EPS15L1: variants seen among roughly 807,000 people sequenced by gnomAD.
EPS15L1 encodes epidermal growth factor receptor pathway substrate 15 like 1, also known as epidermal growth factor receptor substrate 15-like 1.
A neutral mutation model predicts 117.1 loss-of-function variants in EPS15L1; 43 were observed. The ratio of observed to expected loss-of-function variants is 0.37; its 90% CI spans 0.29 to 0.47. EPS15L1 has a LOEUF of 0.47. Ranked by LOEUF, EPS15L1 falls within the 20% of genes least tolerant of loss-of-function variation. EPS15L1 has a pLI of 0.99. For synonymous variants in EPS15L1, 459 were observed against 470.5 expected (o/e 0.98, Z 0.32); for missense variants, 981 against 1,164.0 (o/e 0.84, Z 2.29).
rs1334954533 is a variant in EPS15L1, at chr19:16,370,301, C to T, written c.2380+6821G>A. Among the ~76,000 whole-genome samples the T allele has an allele frequency of 6.6e-6, 1 of 152,116 alleles. No homozygotes were observed. Among genetic ancestry groups the T allele is most frequent in the Non-Finnish European group, 1.5e-5 (1 of 68,008 alleles). On this transcript the variant is annotated intron_variant, in intron 22 of 23. Coordinates refer to ENST00000455140, the MANE Select transcript of EPS15L1 (RefSeq NM_001258374.3). The surrounding 1 kb of genome is among the most constrained non-coding windows in gnomAD (Gnocchi z 5.2). Reference sequence around the variant, plus strand: ...AATAGGAGAGATGAAAGATGAGGGGCCATGTTCACCCCGCCAGAAAAGCAG... The same window carrying T: ...AATAGGAGAGATGAAAGATGAGGGGTCATGTTCACCCCGCCAGAAAAGCAG...
At chr19:16,420,152 T>C (rs746502469) in intron 10 of EPS15L1, among the ~76,000 whole-genome samples, 11 of 152,350 alleles carry the variant, frequency 7.2e-5, no homozygotes, top group Admixed American at 6.5e-4. Flanking sequence ...TCTTTTCTCA[T>C]GGTTATTCAA....
In EPS15L1 at chr19:16,440,867, T is replaced by C. The variant is rs556548628; in HGVS notation, c.208A>G (p.Lys70Glu). The C allele has an allele frequency of 6.2e-7, 1 of 1,614,188 alleles. No homozygotes were observed. The highest frequency in any genetic ancestry group is 2.2e-5 in the East Asian group (1 of 44,884). Residue 70 changes from lysine (K) to glutamate (E), a missense_variant, in exon 4 of 24, where the codon AAA becomes GAA. Around this residue, in one of 5 missense-constraint regions of EPS15L1, gnomAD observed 62 missense variants for 104.2 expected, o/e 0.59. Coordinates refer to ENST00000455140, the MANE Select transcript of EPS15L1 (RefSeq NM_001258374.3). Reference sequence around the variant, plus strand: ...CTGTGTACATGTGTATATACCTGTTTGTCCAAGAACCCTTTACCTTCTGGA... The same window carrying C: ...CTGTGTACATGTGTATATACCTGTTCGTCCAAGAACCCTTTACCTTCTGGA... Reference protein sequence around the residue: ...ADPEGKGFLDKQGFYVALRLV... With the variant: ...ADPEGKGFLDEQGFYVALRLV...
At chr19:16,440,511 G>A (rs1468575490) in intron 4 of EPS15L1, 1 of 167,454 alleles carries the variant, frequency 6.0e-6, no homozygotes, top group Non-Finnish European at 1.3e-5. Flanking sequence ...CCATCACTGG[G>A]GAGAGCTGGC....
intron 23 of EPS15L1, among the ~76,000 whole-genome samples, chr19:16,360,559 C>A (rs1419936243): frequency 2.6e-5 from 4 of 151,110 alleles, no homozygotes; most frequent in Admixed American, 2.6e-4. Context: ...CCAGGCAACA[C>A]AGCAAGACCC....
intron 1 of EPS15L1, among the ~76,000 whole-genome samples, chr19:16,468,088 C>T (rs973251000): frequency 2.6e-5 from 4 of 152,100 alleles, no homozygotes; most frequent in African/African-American, 9.7e-5. Flanking sequence ...CTAGGTACAG[C>T]GGTCACAAAA....
chr19:16,364,854 G>A (rs1599524500), intron 22 of EPS15L1, among the ~76,000 whole-genome samples: 1 of 152,280 alleles, frequency 6.6e-6, no homozygotes, highest in African/African-American at 2.4e-5. Flanking sequence ...CTCCCTATCG[G>A]CCGCCCACCA....
intron 7 of EPS15L1, among the ~76,000 whole-genome samples, chr19:16,430,497 C>T (rs1383678218): frequency 6.6e-6 from 1 of 152,240 alleles, no homozygotes; most frequent in Non-Finnish European, 1.5e-5. Context: ...AGACACAGTC[C>T]TTAACAGGAG....
At chr19:16,422,971 G>GT (rs910603360) in intron 9 of EPS15L1, among the ~76,000 whole-genome samples, 1 of 100,552 alleles carries the variant, frequency 9.9e-6, no homozygotes, top group African/African-American at 4.1e-5. Flanking sequence ...GAAAAAAAAA[G>GT]GGGGGGGGGA....
At chr19:16,444,852 G>A (rs974560455) in intron 1 of EPS15L1, among the ~76,000 whole-genome samples, 1 of 151,070 alleles carries the variant, frequency 6.6e-6, no homozygotes, top group Non-Finnish European at 1.5e-5. Flanking sequence ...TCAGCCTCCC[G>A]AGTAGCTGGG....
intron 9 of EPS15L1, among the ~76,000 whole-genome samples, chr19:16,423,467 G>A (rs958149237): frequency 2.0e-5 from 3 of 152,112 alleles, no homozygotes; most frequent in Non-Finnish European, 4.4e-5. Context: ...CTACTAGGGA[G>A]GCTGAGGTGG....
rs186846270 is a variant in EPS15L1 at position 16,427,472 on chromosome 19, T to C, written c.558+1230A>G. The stretch of plus-strand genomic sequence containing the variant: ...CAATGAGCATTTCCTTTGAGTGTCA[T>C]GTTGATGCTCAAAAAATGTCAGATC... On this transcript the variant is annotated intron_variant, in intron 8 of 23. Transcript: ENST00000455140. 2.0e-5 allele frequency among the ~76,000 whole-genome samples: 3 copies of C among 152,338 alleles called. No homozygotes were observed. In the East Asian group the frequency reaches 5.8e-4, roughly 29 times the overall value.
At chr19:16,413,679 C>A in intron 13 of EPS15L1, 94 bp downstream of exon 13, 1 of 1,053,200 alleles carries the variant, frequency 9.5e-7, no homozygotes. Flanking sequence ...CCAGGGCAGA[C>A]CCCTGCCCTT....
At chr19:16,435,343 G>A (rs1442683640) in intron 6 of EPS15L1, 5 of 152,158 alleles carry the variant, frequency 3.3e-5, no homozygotes, top group Non-Finnish European at 7.3e-5. Flanking sequence ...ACAGCATTAG[G>A]ATGGGGAGTC....
chr19:16,413,240 C>A (rs2092724740), intron 13 of EPS15L1: 1 of 643,494 alleles, frequency 1.6e-6, no homozygotes, highest in Non-Finnish European at 2.8e-6. Flanking sequence ...TTGTCCCTTG[C>A]AAGGTGACAG....
intron 13 of EPS15L1, chr19:16,413,335 T>G (rs541185615): frequency 1.5e-6 from 1 of 688,144 alleles, no homozygotes; most frequent in East Asian, 2.6e-5. Context: ...AAGAAGCTGC[T>G]CATGATGGCT....
Position 16,379,028 on chromosome 19 carries a change from G to A in EPS15L1, c.2248-1774C>T, listed in dbSNP as rs546795461. ...AAAATGATCATGTGTTCCTGGCCGG[G>A]CGCACTGGCTCACGCCTGTAATCCC... On this transcript the variant is annotated intron_variant, in intron 21 of 23. Transcript: ENST00000455140. Among the ~76,000 whole-genome samples the A allele has an allele frequency of 3.9e-4, 59 of 152,360 alleles. No individual in the cohort carries two copies. In the South Asian group the frequency reaches 3.9e-3, roughly 10 times the overall value.
chr19:16,431,668 T>C (rs902927813), intron 7 of EPS15L1, among the ~76,000 whole-genome samples: 1 of 152,286 alleles, frequency 6.6e-6, no homozygotes, highest in Non-Finnish European at 1.5e-5. Flanking sequence ...ATTTATCATA[T>C]CTTTCAGAGT....
chr19:16,452,446 C>T (rs1210400152), intron 1 of EPS15L1, among the ~76,000 whole-genome samples: 1 of 140,092 alleles, frequency 7.1e-6, no homozygotes, highest in African/African-American at 2.6e-5. Flanking sequence ...AATTCCATCT[C>T]GAAAAAAAAA....
At chr19:16,464,894 C>A (rs1303848171) in intron 1 of EPS15L1, among the ~76,000 whole-genome samples, 1 of 151,220 alleles carries the variant, frequency 6.6e-6, no homozygotes, top group Non-Finnish European at 1.5e-5. Flanking sequence ...TCCTGCCTAA[C>A]CAGTGAAACC....
Sources: allele counts gnomAD v4.1 joint callset (sites outside exome capture counted in the v4.1 genomes callset), GRCh38; gene constraint gnomAD v4.1.1; regional missense constraint gnomAD v4.1.1; non-coding constraint Gnocchi (gnomAD v3.1); transcripts MANE v1.5; gene names NCBI Gene and HGNC (gene_info 2026-07-23, HGNC 2026-07-21).